Variants in LRP12 observed in about 807,000 individuals in gnomAD.
LRP12 encodes the protein LDL receptor related protein 12.
Under a neutral mutation model 66.0 loss-of-function variants are expected in LRP12, and 14 were observed. That is an observed-to-expected ratio of 0.21 (90% confidence interval 0.14 to 0.33). The LOEUF (loss-of-function observed/expected upper bound fraction) is 0.33, where lower values mean the gene tolerates loss of function less well. Ranked by LOEUF, LRP12 falls within the 10% of genes least tolerant of loss-of-function variation. LRP12 has a pLI of 1.00. For missense variants in LRP12, 889 were observed against 1,053.4 expected (o/e 0.84, Z 2.16); for synonymous variants, 357 against 359.1 (o/e 0.99, Z 0.07).
At position 104,573,915 on chromosome 8, in the gene LRP12, A is replaced by G. The variant is rs1812121196; in HGVS notation, c.79+14904T>C. 2.6e-5 allele frequency among the ~76,000 whole-genome samples: 4 copies of G among 152,136 alleles called. No individual in the cohort carries two copies. The South Asian group carries it at 8.3e-4, about 31-fold the overall frequency. ...ATAAATATAAATGCAAAGTATAAAA[A>G]TTATCAGTAAATGTATTCTAGCAGA... On this transcript the variant is annotated intron_variant, in intron 1 of 6. Coordinates refer to ENST00000276654, the MANE Select transcript of LRP12 (RefSeq NM_013437.5).
At chr8:104,552,896 T>C (rs535196271) in intron 1 of LRP12, among the ~76,000 whole-genome samples, 2 of 152,058 alleles carry the variant, frequency 1.3e-5, no homozygotes, top group African/African-American at 4.8e-5. Flanking sequence ...GCAGGCTCTG[T>C]GAGATAGCCA....
At chr8:104,585,738 G>C (rs781742736) in intron 1 of LRP12, among the ~76,000 whole-genome samples, 2 of 152,146 alleles carry the variant, frequency 1.3e-5, no homozygotes, top group African/African-American at 2.4e-5. Context: ...CATAGTACCC[G>C]AAGCAATGTG....
chr8:104,588,973 C>CCGACGCCGA lies in LRP12; in HGVS notation c.-77_-76insTCGGCGTCG. On this transcript the variant is annotated 5_prime_UTR_variant, in exon 1 of 7. Coordinates refer to ENST00000276654, the MANE Select transcript of LRP12 (RefSeq NM_013437.5). The stretch of plus-strand genomic sequence containing the variant: ...AAGCTGGAGGTAGACGACGCCGACG[C>CCGACGCCGA]CGCCGCCGCCGCCGCCGCCGCCGCC... The CCGACGCCGA allele has an allele frequency of 1.7e-6, 1 of 583,286 alleles. No homozygotes were observed. The highest frequency in any genetic ancestry group is 2.7e-6 in the Non-Finnish European group (1 of 375,280). 36.1% of individuals were successfully genotyped at this position (583,286 alleles called of 1,614,324 possible).
chr8:104,538,797 TA>T (rs1358703548), intron 1 of LRP12, among the ~76,000 whole-genome samples: 1 of 152,206 alleles, frequency 6.6e-6, no homozygotes, highest in African/African-American at 2.4e-5. Context: ...ATGTAGCTAT[TA>T]ATCATTTAAA....
At chr8:104,569,813 G>A (rs1588508614) in intron 1 of LRP12, among the ~76,000 whole-genome samples, 1 of 151,552 alleles carries the variant, frequency 6.6e-6, no homozygotes, top group East Asian at 1.9e-4. Context: ...AATGCAATAA[G>A]GCAAGAAAAT....
At chr8:104,532,077 C>A in intron 1 of LRP12, 114 bp from the exon 2 acceptor site, 1 of 591,714 alleles carries the variant, frequency 1.7e-6, no homozygotes. Flanking sequence ...TACAGAGAAG[C>A]TAAAGTTTCT....
intron 1 of LRP12, among the ~76,000 whole-genome samples, chr8:104,532,933 T>C (rs1383109178): frequency 6.6e-6 from 1 of 152,072 alleles, no homozygotes; most frequent in Non-Finnish European, 1.5e-5. Flanking sequence ...TAAAATGAAA[T>C]CATGCCCATT....
chr8:104,519,704 AT>A, intron 2 of LRP12, among the ~76,000 whole-genome samples: 1 of 152,094 alleles, frequency 6.6e-6, no homozygotes, highest in African/African-American at 2.4e-5. Context: ...AATGATATTA[AT>A]CCATCACTCC....
rs780355546 is a variant in LRP12 at position 104,509,033 on chromosome 8, T to A, written c.178A>T (p.Ile60Leu). 2 of 1,613,804 alleles carry A rather than the reference T, an allele frequency of 1.2e-6. No homozygotes were observed. The highest frequency in any genetic ancestry group is 1.3e-5 in the African/African-American group (1 of 74,932). ...TPEQIRAPSG[I>L]ITSPGWPSEY... ...GAAGGCCAGCCTGGGCTTGTGATTA[T>A]GCCACTTGGTGCTCGTATTTGCTCT... The change falls in exon 3 of 7, where the codon ATA becomes TTA. Residue 60 changes from isoleucine (I) to leucine (L), a missense_variant. This residue lies in a region of LRP12 where 88 missense variants were observed against 72.5 expected (regional missense o/e 1.21). Coordinates refer to ENST00000276654, the MANE Select transcript of LRP12 (RefSeq NM_013437.5).
At chr8:104,514,175 A>C (rs77818878) in intron 2 of LRP12, among the ~76,000 whole-genome samples, 2 of 152,118 alleles carry the variant, frequency 1.3e-5, no homozygotes, top group South Asian at 2.1e-4. Context: ...GGCCTGTTTT[A>C]TCTCTTACAC....
chr8:104,580,175 A>G (rs1453106075), intron 1 of LRP12, among the ~76,000 whole-genome samples: 3 of 152,102 alleles, frequency 2.0e-5, no homozygotes, highest in Non-Finnish European at 4.4e-5. Flanking sequence ...TTTGCAAACT[A>G]CGCATCTGAC....
chr8:104,548,336 TAA>T lies in LRP12; in HGVS notation c.80-16375_80-16374del, dbSNP rs1235159661. ...ATATAAATATATAATATATATTATA[TAA>T]ATATATAAATATATAATATATATTA... On this transcript the variant is annotated intron_variant, in intron 1 of 6. Coordinates refer to ENST00000276654, the MANE Select transcript of LRP12 (RefSeq NM_013437.5). Among the ~76,000 whole-genome samples, 3 of 8,420 alleles carry T rather than the reference TAA, an allele frequency of 3.6e-4. No individual in the cohort carries two copies. The African/African-American group carries it at 4.0e-3, about 11-fold the overall frequency. 5.5% of individuals were successfully genotyped at this position (8,420 alleles called of 152,430 possible). A position where few individuals can be genotyped will look rare whatever the true frequency, so the allele number is the denominator to read the frequency against.
At chr8:104,588,685 C>G (rs1381764363) in intron 1 of LRP12, 134 bp downstream of exon 1, 2 of 643,138 alleles carry the variant, frequency 3.1e-6, no homozygotes, top group African/African-American at 3.8e-5. Context: ...CATCCACCCC[C>G]TCACCGGTCT....
chr8:104,523,567 T>C (rs1304874256), intron 2 of LRP12, among the ~76,000 whole-genome samples: 4 of 152,236 alleles, frequency 2.6e-5, no homozygotes, highest in South Asian at 2.1e-4. Context: ...ATCATCTCCA[T>C]GTGAGCAGTT....
chr8:104,556,189 G>T (rs1465057430), intron 1 of LRP12, among the ~76,000 whole-genome samples: 1 of 152,060 alleles, frequency 6.6e-6, no homozygotes, highest in Non-Finnish European at 1.5e-5. Context: ...AACATTAACT[G>T]CCTACATCAA....
intron 4 of LRP12, 111 bp from the exon 5 acceptor site, chr8:104,498,187 G>C: frequency 5.5e-6 from 6 of 1,084,392 alleles, no homozygotes; most frequent in Non-Finnish European, 7.7e-6. Flanking sequence ...TAAAGCCCAA[G>C]TGCTAGAAGT....
chr8:104,552,107 T>G (rs1176600991), intron 1 of LRP12, among the ~76,000 whole-genome samples: 1 of 152,232 alleles, frequency 6.6e-6, no homozygotes, highest in Non-Finnish European at 1.5e-5. Flanking sequence ...CAAACCCAAC[T>G]ATTCCCTTGA....
In LRP12 at chr8:104,531,248, T is replaced by G. The variant is rs557110333; in HGVS notation, c.136+659A>C. ...ATTTCAATATATGCAAAAATAAATATTTTAGTTCTCCTAGTAACTGTGGTT... is the reference window on the plus strand; with the variant it reads ...ATTTCAATATATGCAAAAATAAATAGTTTAGTTCTCCTAGTAACTGTGGTT... On this transcript the variant is annotated intron_variant, in intron 2 of 6. Coordinates refer to ENST00000276654, the MANE Select transcript of LRP12 (RefSeq NM_013437.5). 3.9e-5 allele frequency among the ~76,000 whole-genome samples: 6 copies of G among 152,238 alleles called. No individual in the cohort carries two copies. In the East Asian group the frequency reaches 1.2e-3, roughly 29 times the overall value.
Position 104,491,070 on chromosome 8 carries a change from C to A in LRP12, c.2183G>T (p.Ser728Ile). The A allele has an allele frequency of 6.2e-7, 1 of 1,614,136 alleles. No individual in the cohort carries two copies. The highest frequency in any genetic ancestry group is 8.5e-7 in the Non-Finnish European group (1 of 1,180,016). ...CCCCTGAGTCATACGACTGAGTGCACTTGTAAGCTGGTGACGTGCTGGACT... is the reference window on the plus strand; with the variant it reads ...CCCCTGAGTCATACGACTGAGTGCAATTGTAAGCTGGTGACGTGCTGGACT... The part of the protein sequence containing the change: ...SVSPARHQLT[S>I]ALSRMTQGLR... The change falls in exon 7 of 7, where the codon AGT becomes ATT. Residue 728 changes from serine to isoleucine, a missense_variant. Ser to Ile is a moderately radical substitution (Grantham distance 142). This residue lies in a region of LRP12 where 800 missense variants were observed against 964.5 expected (regional missense o/e 0.83). Transcript: ENST00000276654.
Sources: gnomAD v4.1 joint callset for allele counts (sites outside exome capture counted in the v4.1 genomes callset) on GRCh38, gnomAD v4.1.1 for gene constraint, gnomAD v4.1.1 regional missense constraint, MANE v1.5 for transcripts, NCBI Gene and HGNC (gene_info 2026-07-23, HGNC 2026-07-21) for gene names.